UCHL5: variants seen among roughly 807,000 people sequenced by gnomAD.
UCHL5 encodes ubiquitin C-terminal hydrolase L5.
Under a neutral mutation model 53.8 loss-of-function variants are expected in UCHL5, and 34 were observed. The ratio of observed to expected loss-of-function variants is 0.63; its 90% CI spans 0.48 to 0.84. UCHL5 has a LOEUF of 0.84. Among genes scored for constraint, UCHL5 ranks in the 40% least tolerant of loss-of-function variants. The probability of loss-of-function intolerance (pLI) is 0.00; values close to 1 mark genes in which losing one functional copy is unlikely to be tolerated. For missense variants in UCHL5, 290 were observed against 385.6 expected (o/e 0.75, Z 2.08); for synonymous variants, 111 against 126.3 (o/e 0.88, Z 0.81).
chr1:193,026,825 T>C (rs1344300670), intron 7 of UCHL5, among the ~76,000 whole-genome samples: 1 of 152,078 alleles, frequency 6.6e-6, no homozygotes, highest in Non-Finnish European at 1.5e-5. Context: ...TTATTCTCAG[T>C]AGCCAAAAAA....
chr1:193,018,986 T>C (rs1481020571), intron 10 of UCHL5, among the ~76,000 whole-genome samples: 1 of 151,706 alleles, frequency 6.6e-6, no homozygotes, highest in African/African-American at 2.4e-5. Flanking sequence ...CAACACGCTT[T>C]ATTTTTTAAA....
chr1:193,043,454 G>C (rs560411487), intron 3 of UCHL5, among the ~76,000 whole-genome samples: 4 of 152,246 alleles, frequency 2.6e-5, no homozygotes, highest in Admixed American at 6.5e-5. Context: ...ACTCAGAGAG[G>C]CTTTCTCTCT....
At position 193,029,575 on chromosome 1, in the gene UCHL5, G is replaced by C. The variant is rs370635844; in HGVS notation, c.329C>G (p.Thr110Arg). The C allele has an allele frequency of 1.2e-6, 2 of 1,613,456 alleles. No individual in the cohort carries two copies. Among genetic ancestry groups the C allele is most frequent in the Admixed American group, 1.7e-5 (1 of 59,962 alleles). ...CTHQDVHLGE[T>R]LSEFKEFSQS... The stretch of plus-strand genomic sequence containing the variant: ...TGAAAATTCTTTAAACTCTGATAAT[G>C]TCTCGCCTAAATGGACATCCTGGTG... Residue 110 changes from threonine to arginine, a missense_variant, in exon 4 of 11, where the codon ACA becomes AGA. Coordinates refer to ENST00000367454, the MANE Select transcript of UCHL5 (RefSeq NM_001199261.3).
At chr1:193,043,151 T>TAAAAAAAAAAAA (rs200951342) in intron 3 of UCHL5, among the ~76,000 whole-genome samples, 32 of 36,368 alleles carry the variant, frequency 8.8e-4, no homozygotes, top group African/African-American at 2.6e-3. Context: ...TCTTGAATAT[T>TAAAAAAAAAAAA]AAAAAAAAAA....
Position 193,059,221 on chromosome 1 carries a change from C to T in UCHL5, c.40G>A (p.Asp14Asn). ...NAGEWCLMES[D>N]PGVFTELIKG... ...ATGAGCTCGGTGAAGACCCCGGGGT[C>T]GCTTTCCATGAGGCACCACTCCCCG... Residue 14 changes from aspartate (D) to asparagine (N), a missense_variant, in exon 1 of 11, where the codon GAC (aspartate) becomes AAC (asparagine). Asp to Asn is a conservative substitution (Grantham distance 23). Transcript: ENST00000367454. This position sits in a 1 kb window ranked among gnomAD's most constrained non-coding sequence, Gnocchi z 4.9. 1.2e-6 allele frequency: 2 copies of T among 1,614,026 alleles called. No homozygotes were observed. Among genetic ancestry groups the T allele is most frequent in the Non-Finnish European group, 1.7e-6 (2 of 1,180,004 alleles).
chr1:193,020,976 A>G, intron 10 of UCHL5, 121 bp downstream of exon 10: 1 of 685,424 alleles, frequency 1.5e-6, no homozygotes, highest in South Asian at 1.8e-5. Context: ...GCAAAAGCAA[A>G]AGAATAAAAA....
intron 10 of UCHL5, among the ~76,000 whole-genome samples, chr1:193,019,666 G>C (rs1326193246): frequency 6.6e-6 from 1 of 151,526 alleles, no homozygotes; most frequent in Non-Finnish European, 1.5e-5. Context: ...TGTGAACTAA[G>C]GAATAATTAT....
intron 3 of UCHL5, among the ~76,000 whole-genome samples, chr1:193,041,147 T>C (rs1478727378): frequency 3.3e-5 from 5 of 152,226 alleles, no homozygotes; most frequent in African/African-American, 7.2e-5. Context: ...ATAATTTGAA[T>C]GTTTCTAGCA....
chr1:193,042,544 A>T (rs1665943800), intron 3 of UCHL5, among the ~76,000 whole-genome samples: 1 of 152,208 alleles, frequency 6.6e-6, no homozygotes, highest in Non-Finnish European at 1.5e-5. Context: ...AATCTATTAC[A>T]CATTAAAGGT....
chr1:193,023,418 G>C (rs1236950435), intron 8 of UCHL5, among the ~76,000 whole-genome samples: 1 of 152,070 alleles, frequency 6.6e-6, no homozygotes, highest in Non-Finnish European at 1.5e-5. Context: ...TCATAGACTA[G>C]TAAAGACTAC....
intron 3 of UCHL5, among the ~76,000 whole-genome samples, chr1:193,043,782 G>T (rs1666500184): frequency 6.6e-6 from 1 of 152,132 alleles, no homozygotes; most frequent in African/African-American, 2.4e-5. Flanking sequence ...GGGTTCCTTG[G>T]ATGGCAATAC....
chr1:193,033,428 A>G, intron 3 of UCHL5, among the ~76,000 whole-genome samples: 1 of 152,134 alleles, frequency 6.6e-6, no homozygotes. Flanking sequence ...CCTAATGGAG[A>G]CGATGGGTCG....
At position 193,029,547 on chromosome 1, in the gene UCHL5, T is replaced by C. The variant is rs766501587; in HGVS notation, c.357A>G (p.Gln119=). ...TTGTACTCACAGCTGCATCAAAACTTTGTGAAAATTCTTTAAACTCTGATA... is the reference window on the plus strand; with the variant it reads ...TTGTACTCACAGCTGCATCAAAACTCTGTGAAAATTCTTTAAACTCTGATA... ...ETLSEFKEFS[Q]SFDAAMKGLA... Residue 119 remains glutamine (Q), a synonymous_variant, in exon 4 of 11, where the codon CAA becomes CAG. Transcript: ENST00000367454. 3.3e-5 allele frequency: 53 copies of C among 1,613,516 alleles called. No homozygotes were observed. Among genetic ancestry groups the C allele is most frequent in the Admixed American group, 1.3e-4 (8 of 59,960 alleles).
chr1:193,016,297 G>C lies in UCHL5; in HGVS notation c.*54C>G. 6.3e-7 allele frequency: 1 copy of C among 1,589,500 alleles called. No homozygotes were observed. ...TGCTCTAAGTTCTTTATACATAATG[G>C]TTTCCATGAAAATATGTGCAGAAGC... On this transcript the variant is annotated 3_prime_UTR_variant, in exon 11 of 11. Coordinates refer to ENST00000367454, the MANE Select transcript of UCHL5 (RefSeq NM_001199261.3).
At chr1:193,018,267 A>T (rs1278107492) in intron 10 of UCHL5, 1 of 161,472 alleles carries the variant, frequency 6.2e-6, no homozygotes, top group Non-Finnish European at 1.3e-5. Context: ...ATAGCAATGG[A>T]ATTTATGATT....
At chr1:193,059,507 G>A (rs1482541486), upstream of UCHL5, 1 of 1,593,384 alleles carries the variant, frequency 6.3e-7, no homozygotes, top group African/African-American at 1.3e-5. The surrounding 1 kb of genome is among the most constrained non-coding windows in gnomAD (Gnocchi z 4.9). Flanking sequence ...GATTCGGAAG[G>A]GCTGGGGCCT....
rs559603700 is a variant in UCHL5, at chr1:193,013,020, A to C, written c.*3331T>G. The C allele has an allele frequency of 6.6e-5, 10 of 152,318 alleles. No individual in the cohort carries two copies. The highest frequency in any genetic ancestry group is 2.4e-4 in the African/African-American group (10 of 41,580). 9.4% of individuals were successfully genotyped at this position (152,318 alleles called of 1,614,324 possible). ...ATGTTTGACTGATCTAGGAATTCAT[A>C]CTACTCTAAAAAACGCAGTATCATT... On this transcript the variant is annotated 3_prime_UTR_variant, in exon 11 of 11. Transcript: ENST00000367454.
Position 193,022,964 on chromosome 1 carries a change from G to C in UCHL5, c.805C>G (p.Leu269Val). 6.2e-7 allele frequency: 1 copy of C among 1,612,790 alleles called. No homozygotes were observed. Among genetic ancestry groups the C allele is most frequent in the Non-Finnish European group, 8.5e-7 (1 of 1,179,282 alleles). Residue 269 changes from leucine to valine, a missense_variant, in exon 9 of 11, where the codon CTT (leucine) becomes GTT (valine). Transcript: ENST00000367454. ...IQSEVAKNQM[L>V]IEEEVQKLKR... ...AATTTCTGTACTTCTTCTTCAATAAGCATCTGATTTTTGGCAACTTCTGAC... is the reference window on the plus strand; with the variant it reads ...AATTTCTGTACTTCTTCTTCAATAACCATCTGATTTTTGGCAACTTCTGAC...
chr1:193,059,549 G>T (rs771274393), upstream of UCHL5: 2 of 1,540,594 alleles, frequency 1.3e-6, no homozygotes, highest in African/African-American at 2.7e-5. This position sits in a 1 kb window ranked among gnomAD's most constrained non-coding sequence, Gnocchi z 4.9. Flanking sequence ...ACAGCGCCGA[G>T]GAGGCAACAT....
Sources: allele counts gnomAD v4.1 joint callset (sites outside exome capture counted in the v4.1 genomes callset), GRCh38; gene constraint gnomAD v4.1.1; non-coding constraint Gnocchi (gnomAD v3.1); transcripts MANE v1.5; gene names NCBI Gene and HGNC (gene_info 2026-07-23, HGNC 2026-07-21).